COPS3: variants seen among roughly 807,000 people sequenced by gnomAD.
COPS3 encodes the protein COP9 signalosome complex subunit 3.
A neutral mutation model predicts 58.2 loss-of-function variants in COPS3; 10 were observed. The observed-to-expected ratio is 0.17, with a 90% CI of 0.11 to 0.29. The LOEUF (loss-of-function observed/expected upper bound fraction) is 0.29, where lower values mean the gene tolerates loss of function less well. Ranked by LOEUF, COPS3 falls within the 10% of genes least tolerant of loss-of-function variation. COPS3 has a pLI of 1.00. For synonymous variants in COPS3, 187 were observed against 181.7 expected (o/e 1.03, Z -0.24); for missense variants, 333 against 510.1 (o/e 0.65, Z 3.34).
intron 4 of COPS3, among the ~76,000 whole-genome samples, chr17:17,270,217 C>A (rs3866959): frequency 6.6e-6 from 1 of 151,592 alleles, no homozygotes; most frequent in East Asian, 1.9e-4. Flanking sequence ...TACTATGTAA[C>A]AGAATGTCCT....
chr17:17,279,774 T>C (rs1188061821), intron 1 of COPS3, among the ~76,000 whole-genome samples: 2 of 152,202 alleles, frequency 1.3e-5, no homozygotes, highest in Admixed American at 1.3e-4. Context: ...TTTCTCTCAT[T>C]GAATCTTCAC....
At chr17:17,264,673 T>C (rs1457539450) in intron 6 of COPS3, 129 bp downstream of exon 6, 11 of 674,682 alleles carry the variant, frequency 1.6e-5, no homozygotes, top group Non-Finnish European at 7.5e-6. Context: ...CACAGAGAAG[T>C]AGTCTCTGAA....
At position 17,270,760 on chromosome 17, in the gene COPS3, GT is replaced by G; in HGVS notation, c.345del (p.Lys115AsnfsTer14). ...HQLTNALVERKQPLRGIGILK... is the reference protein window; with the variant it reads ...HQLTNALVERXQPLRGIGILK... ...AATACTTGAATAGTATTTCTTACCT[GT>G]TTTCTTTCCACAAGTGCATTTGTTA... On this transcript the variant is annotated frameshift_variant, in exon 4 of 12. Coordinates refer to ENST00000268717, the MANE Select transcript of COPS3 (RefSeq NM_003653.4). LOFTEE classifies it high-confidence loss of function. 6.3e-7 allele frequency: 1 copy of G among 1,590,072 alleles called. No individual in the cohort carries two copies.
intron 1 of COPS3, among the ~76,000 whole-genome samples, chr17:17,277,366 T>A (rs564443666): frequency 2.0e-5 from 3 of 152,342 alleles, no homozygotes; most frequent in Admixed American, 6.5e-5. Context: ...AGCTACTTGT[T>A]GAATTAATCT....
chr17:17,279,964 C>T (rs1339448069), intron 1 of COPS3, among the ~76,000 whole-genome samples: 1 of 152,178 alleles, frequency 6.6e-6, no homozygotes, highest in Admixed American at 6.5e-5. Context: ...CACAATTCTA[C>T]CCCTAGAAAT....
rs1555621610 is a variant in COPS3, at chr17:17,276,313, G to C, written c.56-149C>G. ...TTCGGATGAGGATCCAGAAGGACCA[G>C]AGGAGTGAAACAACCTGTCCGTGGT... On this transcript the variant is annotated intron_variant, in intron 1 of 11. Transcript: ENST00000268717. The C allele has an allele frequency of 8.1e-6, 8 of 991,268 alleles. No individual in the cohort carries two copies. The South Asian group carries it at 9.9e-5, about 12-fold the overall frequency. 61.4% of individuals were successfully genotyped at this position (991,268 alleles called of 1,614,324 possible).
chr17:17,247,077 A>G lies in COPS3; in HGVS notation c.*21T>C, dbSNP rs8511. 2.0e-5 allele frequency: 32 copies of G among 1,609,730 alleles called. No homozygotes were observed. Among genetic ancestry groups the G allele is most frequent in the Middle Eastern group, 3.3e-4 (2 of 6,080 alleles). Reference sequence around the variant, plus strand: ...GCCAAGATGGTAGTTTCTCTTGTTTAGCTCAGGATGGATGTTAGTTTCAAG... The same window carrying G: ...GCCAAGATGGTAGTTTCTCTTGTTTGGCTCAGGATGGATGTTAGTTTCAAG... On this transcript the variant is annotated 3_prime_UTR_variant, in exon 12 of 12. Coordinates refer to ENST00000268717, the MANE Select transcript of COPS3 (RefSeq NM_003653.4).
At chr17:17,266,770 G>C (rs1197817803) in intron 5 of COPS3, among the ~76,000 whole-genome samples, 3 of 151,394 alleles carry the variant, frequency 2.0e-5, no homozygotes, top group South Asian at 2.1e-4. Context: ...CTGCACTCCA[G>C]CCTGGGCAAC....
At chr17:17,276,409 T>C (rs1326586128) in intron 1 of COPS3, among the ~76,000 whole-genome samples, 2 of 147,418 alleles carry the variant, frequency 1.4e-5, no homozygotes, top group Non-Finnish European at 3.0e-5. Flanking sequence ...CCTTTTTCTC[T>C]ATTCTGTTTT....
At chr17:17,272,421 CA>C (rs905214299) in intron 2 of COPS3, among the ~76,000 whole-genome samples, 4 of 139,614 alleles carry the variant, frequency 2.9e-5, no homozygotes, top group Non-Finnish European at 4.7e-5. Flanking sequence ...AGACTCGTCT[CA>C]AAAAAAAAAA....
chr17:17,276,130 CTTG>C lies in COPS3; in HGVS notation c.87_89del (p.Asn29del). ...AGTTCTTCGCAAGGAGTTCCCCACT[CTTG>C]TTGATCAGTTCACAAAGCTGTGTCA... is the stretch of plus-strand genomic sequence containing the variant. On this transcript the variant is annotated inframe_deletion, in exon 2 of 12. Transcript: ENST00000268717. 6.2e-7 allele frequency: 1 copy of C among 1,614,038 alleles called. No homozygotes were observed.
chr17:17,259,398 T>G (rs139910807), intron 8 of COPS3, among the ~76,000 whole-genome samples: 1 of 152,360 alleles, frequency 6.6e-6, no homozygotes, highest in African/African-American at 2.4e-5. Flanking sequence ...CTGTACTGTT[T>G]GAACGTTTGA....
chr17:17,254,870 CG>C lies in COPS3; in HGVS notation c.1011del (p.Tyr337Ter). 1 of 1,586,844 alleles carries C rather than the reference CG, an allele frequency of 6.3e-7. No homozygotes were observed. The highest frequency in any genetic ancestry group is 8.6e-7 in the Non-Finnish European group (1 of 1,158,332). On this transcript the variant is annotated frameshift_variant, in exon 9 of 12. Transcript: ENST00000268717. LOFTEE classifies it high-confidence loss of function. Reference sequence around the variant, plus strand: ...GAAAATCCACTTACCATGTGCAGAACGTATTTCTCTGCCTCCTGAGGTCCAG... The same window carrying C: ...GAAAATCCACTTACCATGTGCAGAACTATTTCTCTGCCTCCTGAGGTCCAG... ...QLSGPQEAEK[Y>X]VLHMIEDGEI...
At chr17:17,271,840 C>CTATCTATA (rs1555620659) in intron 2 of COPS3, among the ~76,000 whole-genome samples, 2 of 139,168 alleles carry the variant, frequency 1.4e-5, no homozygotes, top group African/African-American at 5.3e-5. Context: ...CTATATATAT[C>CTATCTATA]TATATATATA....
intron 5 of COPS3, 25 bp from the exon 6 acceptor site, chr17:17,265,006 A>G: frequency 6.3e-7 from 1 of 1,591,020 alleles, no homozygotes; most frequent in Non-Finnish European, 8.5e-7. Context: ...ATATTAAATC[A>G]TCACTTTAAT....
intron 9 of COPS3, among the ~76,000 whole-genome samples, chr17:17,253,947 C>T (rs2047904714): frequency 6.6e-6 from 1 of 152,102 alleles, no homozygotes; most frequent in Non-Finnish European, 1.5e-5. Flanking sequence ...GCTAAGATCA[C>T]ACCACTGCAC....
intron 4 of COPS3, 26 bp from the exon 5 acceptor site, chr17:17,268,003 A>G (rs2048265321): frequency 3.7e-6 from 6 of 1,611,780 alleles, no homozygotes; most frequent in Non-Finnish European, 2.5e-6. Flanking sequence ...TCTCTTTCAG[A>G]TAAGTTCTCA....
intron 6 of COPS3, among the ~76,000 whole-genome samples, chr17:17,264,565 A>G (rs780938618): frequency 2.0e-5 from 3 of 152,244 alleles, no homozygotes; most frequent in South Asian, 2.1e-4. Flanking sequence ...CAGATAAGGT[A>G]TAAGTGCAAG....
chr17:17,268,085 A>C, intron 4 of COPS3, 108 bp from the exon 5 acceptor site: 1 of 1,375,360 alleles, frequency 7.3e-7, no homozygotes, highest in Non-Finnish European at 9.5e-7. Flanking sequence ...AGGTTCCTTT[A>C]AATAGCAATA....
Sources: gnomAD v4.1 joint callset for allele counts (sites outside exome capture counted in the v4.1 genomes callset) on GRCh38, gnomAD v4.1.1 for gene constraint, MANE v1.5 for transcripts, NCBI Gene and HGNC (gene_info 2026-07-23, HGNC 2026-07-21) for gene names.